The following CRTC3 variants were observed in gnomAD, a reference collection of about 807,000 sequenced individuals.
CRTC3 encodes the protein CREB-regulated transcription coactivator 3.
Under a neutral mutation model 74.5 loss-of-function variants are expected in CRTC3, and 26 were observed. The ratio of observed to expected loss-of-function variants is 0.35; its 90% CI spans 0.26 to 0.48. The LOEUF (loss-of-function observed/expected upper bound fraction) is 0.48. CRTC3 is among the 20% of genes least tolerant of loss of function. CRTC3 has a pLI of 0.99. For missense variants in CRTC3, 760 were observed against 787.3 expected (o/e 0.97, Z 0.41); for synonymous variants, 377 against 325.8 (o/e 1.16, Z -1.69).
At chr15:90,631,713 A>T (rs1411820409) in intron 11 of CRTC3, among the ~76,000 whole-genome samples, 1 of 145,548 alleles carries the variant, frequency 6.9e-6, no homozygotes, top group Non-Finnish European at 1.5e-5. Flanking sequence ...TGGGTGACAG[A>T]GTTACTCTGT....
Position 90,625,957 on chromosome 15 carries a change from G to A in CRTC3, c.931G>A (p.Ala311Thr), listed in dbSNP as rs747467785. 39 of 1,614,202 alleles carry A rather than the reference G, an allele frequency of 2.4e-5. No individual in the cohort carries two copies. Among genetic ancestry groups the A allele is most frequent in the Non-Finnish European group, 3.2e-5 (38 of 1,180,046 alleles). Residue 311 changes from alanine to threonine, a missense_variant, in exon 10 of 15, where the codon GCT becomes ACT. This residue lies in a region of CRTC3 where 652 missense variants were observed against 635.2 expected (regional missense o/e 1.03). Coordinates refer to ENST00000268184, the MANE Select transcript of CRTC3 (RefSeq NM_022769.5). ...SVGNSVNNIP[A>T]AMTHLGIRSS... ...GGGGAATAGTGTGAACAACATCCCAGCTGCTATGACCCACCTGGGTATAAG... is the reference window on the plus strand; with the variant it reads ...GGGGAATAGTGTGAACAACATCCCAACTGCTATGACCCACCTGGGTATAAG...
intron 2 of CRTC3, among the ~76,000 whole-genome samples, chr15:90,580,490 G>A (rs570210907): frequency 1.2e-3 from 188 of 151,220 alleles, no homozygotes; most frequent in African/African-American, 4.3e-3. Flanking sequence ...GTGCAGTGGC[G>A]TGATCTTGGC....
rs1452155897 is a variant in CRTC3, at chr15:90,641,975, G to T, written c.1695G>T (p.Leu565=). The T allele has an allele frequency of 1.2e-6, 2 of 1,613,808 alleles. No homozygotes were observed. Among genetic ancestry groups the T allele is most frequent in the South Asian group, 2.2e-5 (2 of 91,074 alleles). The change falls in exon 15 of 15, where the codon CTG becomes CTT. Residue 565 remains leucine, a synonymous_variant. Transcript: ENST00000268184. ...TGTTCAAAGACCTCAACAGTGCGCT[G>T]GCAGGCCTGCCTGAGGTCAGCCTGA... The part of the protein sequence containing the change: ...TSLFKDLNSA[L]AGLPEVSLNV...
rs146969962 is a variant in CRTC3, at chr15:90,573,580, A to G, written c.232-20056A>G. ...TTTTTTTTTCCTCTGTAGCTAATCT[A>G]TTGTCTCAATTCTTGAATAATTTCT... is the stretch of plus-strand genomic sequence containing the variant. On this transcript the variant is annotated intron_variant, in intron 2 of 14. Coordinates refer to ENST00000268184, the MANE Select transcript of CRTC3 (RefSeq NM_022769.5). 2.1e-4 allele frequency among the ~76,000 whole-genome samples: 32 copies of G among 151,606 alleles called. No individual in the cohort carries two copies. In the East Asian group the frequency reaches 4.5e-3, roughly 21 times the overall value.
chr15:90,543,077 G>A (rs1234534459), intron 2 of CRTC3, among the ~76,000 whole-genome samples: 2 of 148,480 alleles, frequency 1.3e-5, no homozygotes, highest in South Asian at 2.2e-4. Flanking sequence ...CAGGCAGATC[G>A]CTTGAGCTCA....
intron 11 of CRTC3, among the ~76,000 whole-genome samples, chr15:90,632,463 G>A (rs1969074135): frequency 6.6e-6 from 1 of 152,132 alleles, no homozygotes; most frequent in South Asian, 2.1e-4. Context: ...AAAAGTGAAT[G>A]TTATTCATGC....
intron 2 of CRTC3, among the ~76,000 whole-genome samples, chr15:90,558,199 G>A (rs532213682): frequency 4.6e-5 from 7 of 152,076 alleles, no homozygotes; most frequent in Non-Finnish European, 8.8e-5. Context: ...TTTTAAAAAT[G>A]TATCTAGAAT....
chr15:90,542,346 T>C (rs937003909), intron 2 of CRTC3, among the ~76,000 whole-genome samples: 2 of 151,910 alleles, frequency 1.3e-5, no homozygotes, highest in African/African-American at 4.8e-5. Flanking sequence ...GCCTGGCTAA[T>C]TTTTGTATTT....
At position 90,598,269 on chromosome 15, in the gene CRTC3, C is replaced by G. The variant is rs892416127; in HGVS notation, c.352-4055C>G. The G allele has an allele frequency of 2.7e-5, 16 of 597,550 alleles. No homozygotes were observed. In the Admixed American group the frequency reaches 2.9e-4, roughly 11 times the overall value. 37.0% of individuals were successfully genotyped at this position (597,550 alleles called of 1,614,324 possible). A position where few individuals can be genotyped will look rare whatever the true frequency, so the allele number is the denominator to read the frequency against. On this transcript the variant is annotated intron_variant, in intron 3 of 14. Coordinates refer to ENST00000268184, the MANE Select transcript of CRTC3 (RefSeq NM_022769.5). The stretch of plus-strand genomic sequence containing the variant: ...AGAAGGGAACCCTGGGCCTGCTCAC[C>G]CAGCCGCAGGTCAAGCAGCACAAAG...
intron 3 of CRTC3, chr15:90,598,497 C>T (rs539304800): frequency 7.4e-5 from 52 of 702,674 alleles, no homozygotes; most frequent in South Asian, 7.0e-4. Flanking sequence ...GGCAGTAACT[C>T]GAGGAGGAAG....
chr15:90,574,846 G>A (rs992596412), intron 2 of CRTC3, among the ~76,000 whole-genome samples: 6 of 152,206 alleles, frequency 3.9e-5, no homozygotes, highest in Non-Finnish European at 5.9e-5. Context: ...TATGTTTACC[G>A]TGAACAATCT....
In CRTC3 at chr15:90,640,634, A is replaced by G. The variant is rs568181402; in HGVS notation, c.1549-463A>G. 5.3e-5 allele frequency among the ~76,000 whole-genome samples: 8 copies of G among 152,128 alleles called. 1 individual carries two copies. Among genetic ancestry groups the G allele is most frequent in the African/African-American group, 1.9e-4 (8 of 41,498 alleles). On this transcript the variant is annotated intron_variant, in intron 13 of 14. Transcript: ENST00000268184. ...GAGCTGGAGGTTTCAGTGAGCCGAG[A>G]TGGCGCCATTGCACTCCAGCCTGGG...
intron 10 of CRTC3, 116 bp downstream of exon 10, chr15:90,626,109 A>G (rs1004870025): frequency 1.4e-5 from 11 of 810,318 alleles, no homozygotes; most frequent in Non-Finnish European, 2.2e-5. Context: ...TAGAGATGAT[A>G]ATGTACCTTC....
At chr15:90,630,604 C>A (rs990187207) in intron 11 of CRTC3, among the ~76,000 whole-genome samples, 1 of 152,050 alleles carries the variant, frequency 6.6e-6, no homozygotes, top group Non-Finnish European at 1.5e-5. Context: ...CAGAGTGAGA[C>A]CCTGTCTCAA....
At chr15:90,544,278 A>G (rs559767903) in intron 2 of CRTC3, among the ~76,000 whole-genome samples, 12 of 152,276 alleles carry the variant, frequency 7.9e-5, no homozygotes. Flanking sequence ...CTGTGTTTAA[A>G]TCTTCCTCTC....
At chr15:90,581,512 A>T (rs1340521069) in intron 2 of CRTC3, among the ~76,000 whole-genome samples, 2 of 152,208 alleles carry the variant, frequency 1.3e-5, no homozygotes, top group African/African-American at 4.8e-5. Flanking sequence ...TATGGTAGAA[A>T]ACACAGCCTT....
chr15:90,634,798 CTG>C (rs1373062766), intron 11 of CRTC3: 2 of 1,387,298 alleles, frequency 1.4e-6, no homozygotes, highest in Non-Finnish European at 1.0e-6. Context: ...GCTGCTAAAA[CTG>C]TAACCAAAGG....
intron 11 of CRTC3, among the ~76,000 whole-genome samples, chr15:90,632,251 A>G (rs1969066150): frequency 6.6e-6 from 1 of 152,122 alleles, no homozygotes; most frequent in Non-Finnish European, 1.5e-5. Context: ...CTGTATGGCC[A>G]GAGTGTCCCC....
chr15:90,633,128 C>G (rs1389956763), intron 11 of CRTC3, among the ~76,000 whole-genome samples: 1 of 152,124 alleles, frequency 6.6e-6, no homozygotes, highest in African/African-American at 2.4e-5. Flanking sequence ...TTTATAGTTA[C>G]AATGTAGTCA....
Sources: gnomAD v4.1 joint callset for allele counts (sites outside exome capture counted in the v4.1 genomes callset) on GRCh38, gnomAD v4.1.1 for gene constraint, gnomAD v4.1.1 regional missense constraint, MANE v1.5 for transcripts, NCBI Gene and HGNC (gene_info 2026-07-23, HGNC 2026-07-21) for gene names.